RBFOX1: variants seen among roughly 807,000 people sequenced by gnomAD.
RBFOX1 encodes RNA binding fox-1 homolog 1, also known as RNA binding protein fox-1 homolog 1.
A neutral mutation model predicts 57.7 loss-of-function variants in RBFOX1; 8 were observed. That is an observed-to-expected ratio of 0.14 (90% CI 0.08 to 0.25). RBFOX1 has a LOEUF of 0.25. Ranked by LOEUF, RBFOX1 falls within the 10% of genes least tolerant of loss-of-function variation. The pLI, the probability that RBFOX1 is intolerant of heterozygous loss-of-function variation, is 1.00. For synonymous variants in RBFOX1, 326 were observed against 222.4 expected, an observed-to-expected ratio of 1.47 and a Z score of -4.15; for missense variants, 611 against 548.5, an observed-to-expected ratio of 1.11 and a Z score of -1.14.
At chr16:5,978,032 C>A (rs1359629157) in intron 4 of RBFOX1, among the ~76,000 whole-genome samples, 1 of 148,608 alleles carries the variant, frequency 6.7e-6, no homozygotes, top group South Asian at 2.1e-4. Flanking sequence ...ACCGCGCCCC[C>A]AGTTTTGTAA....
At chr16:7,599,723 G>T (rs537920384) in intron 9 of RBFOX1, among the ~76,000 whole-genome samples, 225 of 139,780 alleles carry the variant, frequency 1.6e-3, no homozygotes, top group Non-Finnish European at 2.7e-3. Context: ...TTGGCTCATT[G>T]CACCCTCTGC....
rs561124283 is a variant in RBFOX1, at chr16:6,308,688, A to G, written c.-126-8307A>G. ...TGCATTGGTGTCACGTTTGGTATGC[A>G]TTGGATGCAGAAATTGCATCCCTGA... On this transcript the variant is annotated intron_variant, in intron 1 of 15. Coordinates refer to ENST00000550418, the MANE Select transcript of RBFOX1 (RefSeq NM_018723.4). 1.7e-4 allele frequency among the ~76,000 whole-genome samples: 26 copies of G among 152,322 alleles called. 2 individuals carry two copies. The highest frequency in any genetic ancestry group is 1.2e-3 in the South Asian group (6 of 4,828).
intron 1 of RBFOX1, among the ~76,000 whole-genome samples, chr16:5,258,380 T>C (rs559776987): frequency 2.1e-4 from 31 of 150,876 alleles, no homozygotes; most frequent in African/African-American, 6.1e-4. Context: ...TTCACCCCTA[T>C]GTAATTTACT....
chr16:6,365,549 C>T (rs1026108517), intron 2 of RBFOX1, among the ~76,000 whole-genome samples: 18 of 151,846 alleles, frequency 1.2e-4, no homozygotes, highest in Non-Finnish European at 2.5e-4. Flanking sequence ...ATCTTATGCT[C>T]TTCATGTCTC....
chr16:6,425,374 G>T (rs1224650533), intron 2 of RBFOX1, among the ~76,000 whole-genome samples: 1 of 152,100 alleles, frequency 6.6e-6, no homozygotes, highest in Admixed American at 6.6e-5. Context: ...CAAATTAACA[G>T]CCTCTCCTGA....
Position 6,188,282 on chromosome 16 carries a change from A to T in RBFOX1, c.-126-128713A>T, listed in dbSNP as rs114669601. Among the ~76,000 whole-genome samples, 296 of 152,190 alleles carry T rather than the reference A, an allele frequency of 1.9e-3. 1 individual carries two copies. Among genetic ancestry groups the T allele is most frequent in the African/African-American group, 6.7e-3 (279 of 41,532 alleles). ...GTGGCTGTTTCAAGGAGGCAGACTGAGTGATTTATTTTCATGCTTCCTTCA... is the reference window on the plus strand; with the variant it reads ...GTGGCTGTTTCAAGGAGGCAGACTGTGTGATTTATTTTCATGCTTCCTTCA... On this transcript the variant is annotated intron_variant, in intron 1 of 15. Coordinates refer to ENST00000550418, the MANE Select transcript of RBFOX1 (RefSeq NM_018723.4).
At chr16:5,742,964 G>A (rs914205715) in intron 3 of RBFOX1, among the ~76,000 whole-genome samples, 5 of 152,290 alleles carry the variant, frequency 3.3e-5, no homozygotes, top group Admixed American at 1.3e-4. Flanking sequence ...GACACTGAAC[G>A]TGTGCTGGGT....
At chr16:6,549,962 C>A (rs758673150) in intron 2 of RBFOX1, among the ~76,000 whole-genome samples, 7 of 152,120 alleles carry the variant, frequency 4.6e-5, no homozygotes, top group African/African-American at 7.2e-5. Flanking sequence ...GCTGGCTTTG[C>A]TTTTACAGTG....
At chr16:5,891,056 C>G (rs2151934528) in intron 4 of RBFOX1, among the ~76,000 whole-genome samples, 1 of 152,224 alleles carries the variant, frequency 6.6e-6, no homozygotes, top group East Asian at 1.9e-4. Flanking sequence ...AGCACAATTC[C>G]CAGGGCACAG....
intron 4 of RBFOX1, among the ~76,000 whole-genome samples, chr16:7,485,362 T>A (rs1347521203): frequency 6.6e-6 from 1 of 152,258 alleles, no homozygotes; most frequent in Non-Finnish European, 1.5e-5. Flanking sequence ...GGAAGACATT[T>A]TCCCATCCTC....
At chr16:6,327,075 T>C (rs530162739) in intron 2 of RBFOX1, among the ~76,000 whole-genome samples, 1 of 152,290 alleles carries the variant, frequency 6.6e-6, no homozygotes, top group African/African-American at 2.4e-5. Flanking sequence ...CCTGAATGGC[T>C]CTAACATGCA....
At chr16:6,230,347 A>T (rs889339477) in intron 1 of RBFOX1, among the ~76,000 whole-genome samples, 1 of 152,138 alleles carries the variant, frequency 6.6e-6, no homozygotes. Flanking sequence ...TAAGGAAAAA[A>T]TATTTATTAT....
intron 3 of RBFOX1, among the ~76,000 whole-genome samples, chr16:6,859,146 T>A (rs1278160726): frequency 1.1e-5 from 1 of 88,156 alleles, no homozygotes; most frequent in Non-Finnish European, 2.1e-5. Context: ...TATACGTATA[T>A]ATATATGTAT....
intron 14 of RBFOX1, among the ~76,000 whole-genome samples, chr16:7,704,303 C>CTTTGT (rs1344303613): frequency 6.6e-6 from 1 of 152,150 alleles, no homozygotes; most frequent in East Asian, 1.9e-4. Flanking sequence ...TCTTTTATAT[C>CTTTGT]TTTGTTTAGT....
chr16:7,214,347 C>G (rs963727596), intron 4 of RBFOX1, among the ~76,000 whole-genome samples: 2 of 152,132 alleles, frequency 1.3e-5, no homozygotes, highest in African/African-American at 4.8e-5. Flanking sequence ...TAGATCCCTA[C>G]TTTAGCAGAT....
At chr16:5,719,711 C>T (rs2051856393) in intron 3 of RBFOX1, among the ~76,000 whole-genome samples, 1 of 152,062 alleles carries the variant, frequency 6.6e-6, no homozygotes, top group Non-Finnish European at 1.5e-5. Context: ...AATGTTGAAG[C>T]TTCATCTCTG....
chr16:7,097,067 C>G (rs1372515783), intron 4 of RBFOX1, among the ~76,000 whole-genome samples: 1 of 151,722 alleles, frequency 6.6e-6, no homozygotes, highest in East Asian at 1.9e-4. Context: ...CAAATAAACA[C>G]ATGTGATCAT....
intron 4 of RBFOX1, among the ~76,000 whole-genome samples, chr16:7,160,776 C>T (rs896973722): frequency 6.8e-6 from 1 of 148,070 alleles, no homozygotes; most frequent in Non-Finnish European, 1.5e-5. Flanking sequence ...CTCCGCCTCC[C>T]CCTTTTTTCT....
intron 3 of RBFOX1, among the ~76,000 whole-genome samples, chr16:5,673,380 A>G (rs569360741): frequency 6.6e-6 from 1 of 152,210 alleles, no homozygotes; most frequent in South Asian, 2.1e-4. Flanking sequence ...AAGGTGCATG[A>G]AGCTATCTTC....
Sources: allele counts gnomAD v4.1 joint callset (sites outside exome capture counted in the v4.1 genomes callset), GRCh38; gene constraint gnomAD v4.1.1; transcripts MANE v1.5; gene names NCBI Gene and HGNC (gene_info 2026-07-23, HGNC 2026-07-21).